C1QBP: variants seen among roughly 807,000 people sequenced by gnomAD.
The protein encoded by C1QBP is complement C1q binding protein, also known as complement component 1 Q subcomponent-binding protein, mitochondrial.
Under a neutral mutation model 29.4 loss-of-function variants are expected in C1QBP, and 24 were observed. The ratio of observed to expected loss-of-function variants is 0.82; its 90% confidence interval spans 0.59 to 1.15. C1QBP has a LOEUF of 1.15. Among genes scored for constraint, C1QBP ranks in the 50% most tolerant of loss-of-function variants. The probability of loss-of-function intolerance (pLI) is 0.00; values close to 1 mark genes in which losing one functional copy is unlikely to be tolerated. For missense variants in C1QBP, 337 were observed against 355.8 expected (o/e 0.95, Z 0.43); for synonymous variants, 182 against 149.2 (o/e 1.22, Z -1.60).
chr17:5,434,736 G>C (rs1020114988), intron 3 of C1QBP, 137 bp downstream of exon 3: 51 of 665,750 alleles, frequency 7.7e-5, no homozygotes, highest in Non-Finnish European at 1.1e-4. Flanking sequence ...AAAGTGCTGG[G>C]ATTATAGGCG....
chr17:5,438,488 T>G, intron 1 of C1QBP: 1 of 705,684 alleles, frequency 1.4e-6, no homozygotes, highest in Non-Finnish European at 2.3e-6. Flanking sequence ...AATGAACGCA[T>G]TACCACTTTC....
chr17:5,434,121 GA>G (rs1916190137), intron 3 of C1QBP: 1 of 268,248 alleles, frequency 3.7e-6, no homozygotes, highest in African/African-American at 2.2e-5. Context: ...ACTGTTCCAG[GA>G]GTCTTCATAA....
At chr17:5,438,416 C>T in intron 1 of C1QBP, 143 bp from the exon 2 acceptor site, 1 of 1,088,708 alleles carries the variant, frequency 9.2e-7, no homozygotes, top group Non-Finnish European at 1.3e-6. Context: ...GTTTCCTTAT[C>T]GGTAAAAATA....
rs546911186 is a variant in C1QBP at position 5,437,706 on chromosome 17, G to C, written c.383+417C>G. ...AAAGTGTAAACACTTTAACAGTTTA[G>C]GAGATGATGGGGGAGCTGACTTAGG... On this transcript the variant is annotated intron_variant, in intron 2 of 5. Coordinates refer to ENST00000225698, the MANE Select transcript of C1QBP (RefSeq NM_001212.4). 2.0e-3 allele frequency among the ~76,000 whole-genome samples: 303 copies of C among 152,318 alleles called. 1 individual carries two copies. Among genetic ancestry groups the C allele is most frequent in the Non-Finnish European group, 3.6e-3 (245 of 68,026 alleles).
In C1QBP at chr17:5,438,532, C is replaced by T. The variant is rs1239359730; in HGVS notation, c.233-259G>A. On this transcript the variant is annotated intron_variant, in intron 1 of 5. Transcript: ENST00000225698. ...ACCAGGAGAATTTCCAATCCTCTTC[C>T]ACTTGCCAAACGATATAACTATGCT... 12 of 692,476 alleles carry T rather than the reference C, an allele frequency of 1.7e-5. No individual in the cohort carries two copies. The East Asian group carries it at 3.4e-4, about 20-fold the overall frequency. 42.9% of individuals were successfully genotyped at this position (692,476 alleles called of 1,614,324 possible). A position where few individuals can be genotyped will look rare whatever the true frequency, so the allele number is the denominator to read the frequency against.
Position 5,432,779 on chromosome 17 carries a change from G to T in C1QBP, c.*236C>A. 1 of 756,186 alleles carries T rather than the reference G, an allele frequency of 1.3e-6. No homozygotes were observed. The highest frequency in any genetic ancestry group is 2.0e-6 in the Non-Finnish European group (1 of 493,172). The allele number at this position is 756,186 out of a possible 1,614,324, so 46.8% of individuals were successfully genotyped here. A position where few individuals can be genotyped will look rare whatever the true frequency, so the allele number is the denominator to read the frequency against. The stretch of plus-strand genomic sequence containing the variant: ...GGAATAGAAAAAGACAAACTGCCTT[G>T]GAGGAGATAAACCAATTTTATGTCT... On this transcript the variant is annotated 3_prime_UTR_variant, in exon 6 of 6. Transcript: ENST00000225698.
In C1QBP at chr17:5,438,169, G is replaced by T; in HGVS notation, c.337C>A (p.Leu113Met). 6.2e-7 allele frequency: 1 copy of T among 1,613,252 alleles called. No homozygotes were observed. The highest frequency in any genetic ancestry group is 1.1e-5 in the South Asian group (1 of 91,056). ...ACTAATTTCGCTTCTGTCCCATTCA[G>T]TTCCAGCTCCCAACCTCCAGACATC... Reference protein sequence around the residue: ...PKMSGGWELELNGTEAKLVRK... With the variant: ...PKMSGGWELEMNGTEAKLVRK... Residue 113 changes from leucine (L) to methionine (M), a missense_variant, in exon 2 of 6, where the codon CTG (leucine) becomes ATG (methionine). Transcript: ENST00000225698.
chr17:5,438,121 A>G lies in C1QBP; in HGVS notation c.383+2T>C, dbSNP rs1467705247. 8 of 1,612,020 alleles carry G rather than the reference A, an allele frequency of 5.0e-6. No homozygotes were observed. In the East Asian group the frequency reaches 1.8e-4, roughly 36 times the overall value. On this transcript the variant is annotated splice_donor_variant, in intron 2 of 5. Transcript: ENST00000225698. LOFTEE classifies it high-confidence loss of function. ...CCCTGGGATCCCCAGACCAGTACTTACTTTTCCCCGGCAACTTTCCGCACT... is the reference window on the plus strand; with the variant it reads ...CCCTGGGATCCCCAGACCAGTACTTGCTTTTCCCCGGCAACTTTCCGCACT...
intron 3 of C1QBP, among the ~76,000 whole-genome samples, chr17:5,434,464 CTTTTTTTTTTTTT>C (rs576803401): frequency 1.0e-5 from 1 of 97,862 alleles, no homozygotes; most frequent in Non-Finnish European, 1.9e-5. Flanking sequence ...TTCTCTCTCT[CTTTTTTTTTTTTT>C]TTTTTTTTTG....
In C1QBP at chr17:5,438,932, C is replaced by G; in HGVS notation, c.142G>C (p.Val48Leu). 1 of 1,534,212 alleles carries G rather than the reference C, an allele frequency of 6.5e-7. No homozygotes were observed. The highest frequency in any genetic ancestry group is 8.8e-7 in the Non-Finnish European group (1 of 1,140,508). Residue 48 changes from valine to leucine, a missense_variant, in exon 1 of 6, where the codon GTG becomes CTG. Transcript: ENST00000225698. ...GGCCGCCGCTCGGAACCTGCGCGCA[C>G]GCTGAGCAGCCCGAAGGGCCGGGTG... ...LCTRPFGLLSVRAGSERRPGL... is the reference protein window; with the variant it reads ...LCTRPFGLLSLRAGSERRPGL...
intron 2 of C1QBP, among the ~76,000 whole-genome samples, chr17:5,437,368 G>C (rs193053275): frequency 7.2e-5 from 11 of 152,332 alleles, no homozygotes; most frequent in African/African-American, 2.2e-4. Context: ...ATGGCGTCTT[G>C]CTCTGTTGCC....
intron 5 of C1QBP, 48 bp downstream of exon 5, chr17:5,433,245 C>T (rs1327848803): frequency 6.2e-7 from 1 of 1,612,170 alleles, no homozygotes. Flanking sequence ...GAACTAGGAC[C>T]CTTCCTTCCA....
At chr17:5,435,734 C>A (rs1352457649) in intron 2 of C1QBP, among the ~76,000 whole-genome samples, 1 of 151,902 alleles carries the variant, frequency 6.6e-6, no homozygotes, top group Non-Finnish European at 1.5e-5. Context: ...CCATTCCACA[C>A]AAGAGTACAT....
At position 5,432,925 on chromosome 17, in the gene C1QBP, T is replaced by C; in HGVS notation, c.*90A>G. 1.4e-6 allele frequency: 2 copies of C among 1,422,800 alleles called. No individual in the cohort carries two copies. Among genetic ancestry groups the C allele is most frequent in the Non-Finnish European group, 1.9e-6 (2 of 1,056,246 alleles). 88.1% of individuals were successfully genotyped at this position (1,422,800 alleles called of 1,614,324 possible). ...TTCCCCCATGATATTAGGATGATAA[T>C]CATTTCAAAGCACATGTCTAGCTTC... On this transcript the variant is annotated 3_prime_UTR_variant, in exon 6 of 6. Transcript: ENST00000225698.
At chr17:5,434,805 C>T in intron 3 of C1QBP, 68 bp downstream of exon 3, 2 of 1,411,920 alleles carry the variant, frequency 1.4e-6, no homozygotes. Context: ...AAGAAAAACG[C>T]TCCTCCTCTA....
chr17:5,437,299 T>C (rs745800113), intron 2 of C1QBP, among the ~76,000 whole-genome samples: 2 of 152,230 alleles, frequency 1.3e-5, no homozygotes, highest in Non-Finnish European at 2.9e-5. Context: ...TTAAAAAAAT[T>C]ACATACACAT....
rs56004395 is a variant in C1QBP, at chr17:5,438,965, G to A, written c.109C>T (p.Arg37Trp). 83 of 1,502,364 alleles carry A rather than the reference G, an allele frequency of 5.5e-5. No homozygotes were observed. Among genetic ancestry groups the A allele is most frequent in the Non-Finnish European group, 6.6e-5 (75 of 1,128,316 alleles). 93.1% of individuals were successfully genotyped at this position (1,502,364 alleles called of 1,614,324 possible). The change falls in exon 1 of 6, where the codon CGG becomes TGG. Residue 37 changes from arginine (R) to tryptophan (W), a missense_variant. Arg to Trp is a moderately radical substitution (Grantham distance 101, BLOSUM62 -3). Transcript: ENST00000225698. ...PFRQLLQPAP[R>W]LCTRPFGLLS... Reference sequence around the variant, plus strand: ...AGCCCGAAGGGCCGGGTGCACAGCCGGGGTGCCGGCTGCAGGAGCTGCCGG... The same window carrying A: ...AGCCCGAAGGGCCGGGTGCACAGCCAGGGTGCCGGCTGCAGGAGCTGCCGG...
chr17:5,434,895 C>T lies in C1QBP; in HGVS notation c.455G>A (p.Gly152Glu). 6.2e-7 allele frequency: 1 copy of T among 1,613,732 alleles called. No individual in the cohort carries two copies. The highest frequency in any genetic ancestry group is 8.5e-7 in the Non-Finnish European group (1 of 1,179,682). Residue 152 changes from glycine (G) to glutamate (E), a missense_variant, in exon 3 of 6, where the codon GGG becomes GAG. Coordinates refer to ENST00000225698, the MANE Select transcript of C1QBP (RefSeq NM_001212.4). Reference sequence around the variant, plus strand: ...TACCTCCTGTTCTTCAACCTTCTGCCCTTGCGAGGGTTCCTCCTCACCATC... The same window carrying T: ...TACCTCCTGTTCTTCAACCTTCTGCTCTTGCGAGGGTTCCTCCTCACCATC... ...TFDGEEEPSQ[G>E]QKVEEQEPEL...
chr17:5,439,097 G>C lies in C1QBP; in HGVS notation c.-24C>G. 2 of 1,540,422 alleles carry C rather than the reference G, an allele frequency of 1.3e-6. No homozygotes were observed. Among genetic ancestry groups the C allele is most frequent in the Middle Eastern group, 4.6e-4 (2 of 4,332 alleles). On this transcript the variant is annotated 5_prime_UTR_variant, in exon 1 of 6. Coordinates refer to ENST00000225698, the MANE Select transcript of C1QBP (RefSeq NM_001212.4). ...ATCGCGGAAACGACTGCGAACACGTGCAGATGCAAAGGACAACCCAGGCCT... is the reference window on the plus strand; with the variant it reads ...ATCGCGGAAACGACTGCGAACACGTCCAGATGCAAAGGACAACCCAGGCCT...
Sources: allele counts gnomAD v4.1 joint callset (sites outside exome capture counted in the v4.1 genomes callset), GRCh38; gene constraint gnomAD v4.1.1; transcripts MANE v1.5; gene names NCBI Gene and HGNC (gene_info 2026-07-23, HGNC 2026-07-21).